NEK6: variants seen among roughly 807,000 people sequenced by gnomAD.
NEK6 encodes NIMA related kinase 6.
NEK6 carries 27 observed loss-of-function variants against 43.5 expected under a neutral mutation model. That is an observed-to-expected ratio of 0.62 (90% CI 0.46 to 0.86). The LOEUF is 0.86. Among genes scored for constraint, NEK6 ranks in the 40% least tolerant of loss-of-function variants. NEK6 has a pLI of 0.00. For synonymous variants in NEK6, 167 were observed against 164.1 expected, an observed-to-expected ratio of 1.02 and a Z score of -0.14; for missense variants, 318 against 414.4, an observed-to-expected ratio of 0.77 and a Z score of 2.02.
intron 1 of NEK6, among the ~76,000 whole-genome samples, chr9:124,279,381 A>G (rs147934422): frequency 0.024 from 3,548 of 148,224 alleles, 62 homozygotes; most frequent in Non-Finnish European, 0.032. Context: ...GGCTCACTGC[A>G]ACCTCTGCTC....
intron 3 of NEK6, among the ~76,000 whole-genome samples, chr9:124,312,965 G>A (rs193055626): frequency 6.7e-4 from 102 of 152,236 alleles, no homozygotes; most frequent in African/African-American, 2.2e-3. Flanking sequence ...TCTCATAACC[G>A]CCAGGGCCCC....
At chr9:124,289,137 C>T (rs557735078) in intron 1 of NEK6, among the ~76,000 whole-genome samples, 1 of 149,694 alleles carries the variant, frequency 6.7e-6, no homozygotes, top group Admixed American at 6.7e-5. Context: ...TGAGCCACCA[C>T]GCCTGACCTA....
chr9:124,264,821 A>C (rs1831163509), intron 1 of NEK6, among the ~76,000 whole-genome samples: 2 of 70,094 alleles, frequency 2.9e-5, no homozygotes, highest in African/African-American at 1.1e-4. Context: ...TATCAAAAAA[A>C]AAAAAAAAAA....
chr9:124,344,321 C>T (rs1829804562), intron 8 of NEK6, among the ~76,000 whole-genome samples: 1 of 152,222 alleles, frequency 6.6e-6, no homozygotes, highest in Non-Finnish European at 1.5e-5. Flanking sequence ...GTCTTTGGGG[C>T]CCACCATTGA....
At position 124,344,897 on chromosome 9, in the gene NEK6, T is replaced by C. The variant is rs73666865; in HGVS notation, c.718-2812T>C. On this transcript the variant is annotated intron_variant, in intron 8 of 9. Transcript: ENST00000320246. ...GACGGCAGAGAGGCCTGGACGCCCC[T>C]CCGTGGTGGAGGAGCAGGGCTGCAG... Among the ~76,000 whole-genome samples, 1,366 of 152,268 alleles carry C rather than the reference T, an allele frequency of 9.0e-3. 28 individuals carry two copies. Among genetic ancestry groups the C allele is most frequent in the African/African-American group, 0.031 (1,268 of 41,558 alleles).
At position 124,351,526 on chromosome 9, in the gene NEK6, C is replaced by G. The variant is rs1830273337; in HGVS notation, c.*579C>G. On this transcript the variant is annotated 3_prime_UTR_variant, in exon 10 of 10. Coordinates refer to ENST00000320246, the MANE Select transcript of NEK6 (RefSeq NM_014397.6). ...GTGAGTGACGATGAGAGCCCTGCAC[C>G]TGGCCAGAGTGTCACAGGCAAAAGG... 1 of 152,278 alleles carries G rather than the reference C, an allele frequency of 6.6e-6. No homozygotes were observed. Among genetic ancestry groups the G allele is most frequent in the African/African-American group, 2.4e-5 (1 of 41,426 alleles). The allele number at this position is 152,278 out of a possible 1,614,324, so 9.4% of individuals were successfully genotyped here.
chr9:124,350,771 C>A, intron 9 of NEK6, 66 bp from the exon 10 acceptor site: 1 of 1,111,734 alleles, frequency 9.0e-7, no homozygotes, highest in Non-Finnish European at 1.4e-6. Context: ...TGCAGACAGA[C>A]TGTGGAGTGC....
At position 124,292,483 on chromosome 9, in the gene NEK6, G is replaced by A. The variant is rs1177225249; in HGVS notation, c.-29-9453G>A. ...ATTAGGGGAGGCCACGGGCTTGAAA[G>A]CTTTCCCTGCATGGAGGCCACTGGA... is the stretch of plus-strand genomic sequence containing the variant. On this transcript the variant is annotated intron_variant, in intron 1 of 9. Transcript: ENST00000320246. 2.6e-6 allele frequency: 4 copies of A among 1,537,124 alleles called. No individual in the cohort carries two copies. The East Asian group carries it at 9.8e-5, about 38-fold the overall frequency.
In NEK6 at chr9:124,324,913, G is replaced by A. The variant is rs149981780; in HGVS notation, c.406-1417G>A. On this transcript the variant is annotated intron_variant, in intron 5 of 9. Coordinates refer to ENST00000320246, the MANE Select transcript of NEK6 (RefSeq NM_014397.6). The surrounding 1 kb of genome is among the most constrained non-coding windows in gnomAD (Gnocchi z 5.3). ...AAGGGGGCCAGGCGTGGTGGCTCAC[G>A]CCTGTAATCCCAGCACTTTGGGAGG... Among the ~76,000 whole-genome samples the A allele has an allele frequency of 0.091, 13,818 of 152,082 alleles. 1,144 individuals carry two copies. The highest frequency in any genetic ancestry group is 0.45 in the East Asian group (2,341 of 5,154).
intron 1 of NEK6, among the ~76,000 whole-genome samples, chr9:124,274,594 C>T (rs927412646): frequency 1.3e-5 from 2 of 152,226 alleles, no homozygotes; most frequent in Non-Finnish European, 2.9e-5. Flanking sequence ...AGTCCGGGTA[C>T]CTGTCAGCAG....
At position 124,344,705 on chromosome 9, in the gene NEK6, G is replaced by A. The variant is rs555069530; in HGVS notation, c.718-3004G>A. ...TATGTGGGAGCTCAGCTGCAATTAC[G>A]GAGCTAGAGGAATTGGCTCATTCAG... On this transcript the variant is annotated intron_variant, in intron 8 of 9. Transcript: ENST00000320246. 4.0e-3 allele frequency among the ~76,000 whole-genome samples: 604 copies of A among 152,350 alleles called. 1 individual carries two copies. Among genetic ancestry groups the A allele is most frequent in the African/African-American group, 0.014 (566 of 41,590 alleles).
At chr9:124,300,696 C>G (rs149064754) in intron 1 of NEK6, among the ~76,000 whole-genome samples, 3 of 152,144 alleles carry the variant, frequency 2.0e-5, no homozygotes, top group African/African-American at 4.8e-5. Flanking sequence ...CTGACCGCGC[C>G]GGGGGCTCTA....
rs768602746 is a variant in NEK6 at position 124,348,715 on chromosome 9, T to A, written c.831+893T>A. Among the ~76,000 whole-genome samples the A allele has an allele frequency of 2.0e-5, 3 of 152,372 alleles. No homozygotes were observed. In the South Asian group the frequency reaches 6.2e-4, roughly 32 times the overall value. On this transcript the variant is annotated intron_variant, in intron 9 of 9. Coordinates refer to ENST00000320246, the MANE Select transcript of NEK6 (RefSeq NM_014397.6). Reference sequence around the variant, plus strand: ...CTCAGTCAGTGTTCACTAAATATCATGTGACCCTTATTTCTGTTCAAGGTC... The same window carrying A: ...CTCAGTCAGTGTTCACTAAATATCAAGTGACCCTTATTTCTGTTCAAGGTC...
At chr9:124,317,433 G>C (rs759078312) in intron 4 of NEK6, among the ~76,000 whole-genome samples, 1 of 152,158 alleles carries the variant, frequency 6.6e-6, no homozygotes, top group Non-Finnish European at 1.5e-5. Context: ...GGCTGGTCTT[G>C]AACGCCTGAC....
rs144237836 is a variant in NEK6, at chr9:124,352,949, C to T, written c.*2002C>T. 2 of 152,582 alleles carry T rather than the reference C, an allele frequency of 1.3e-5. No individual in the cohort carries two copies. Among genetic ancestry groups the T allele is most frequent in the South Asian group, 2.1e-4 (1 of 4,828 alleles). The allele number at this position is 152,582 out of a possible 1,614,324, so 9.5% of individuals were successfully genotyped here. Reference sequence around the variant, plus strand: ...GGAGGCGCACGATCTCAGCCACTCACCAGGCCTGAGTGTTTGTGAAATGAT... The same window carrying T: ...GGAGGCGCACGATCTCAGCCACTCATCAGGCCTGAGTGTTTGTGAAATGAT... On this transcript the variant is annotated 3_prime_UTR_variant, in exon 10 of 10. Transcript: ENST00000320246.
intron 1 of NEK6, among the ~76,000 whole-genome samples, chr9:124,278,043 G>A (rs1831719314): frequency 6.6e-6 from 1 of 152,232 alleles, no homozygotes; most frequent in South Asian, 2.1e-4. Flanking sequence ...GACTGCGTAT[G>A]TGACGTTGGT....
chr9:124,312,175 G>A (rs926304894), intron 2 of NEK6, among the ~76,000 whole-genome samples: 14 of 152,250 alleles, frequency 9.2e-5, no homozygotes, highest in African/African-American at 3.1e-4. Flanking sequence ...GATGAGACGG[G>A]CAACGCCCGT....
At chr9:124,273,982 A>G (rs1261869444) in intron 1 of NEK6, among the ~76,000 whole-genome samples, 1 of 152,198 alleles carries the variant, frequency 6.6e-6, no homozygotes, top group Non-Finnish European at 1.5e-5. Flanking sequence ...CACTTTGGGC[A>G]CAGGGTACCA....
intron 1 of NEK6, among the ~76,000 whole-genome samples, chr9:124,274,972 A>G: frequency 6.6e-6 from 1 of 152,188 alleles, no homozygotes; most frequent in East Asian, 1.9e-4. Flanking sequence ...GATGGATGTG[A>G]AAAGGACCGA....
Sources: gnomAD v4.1 joint callset for allele counts (sites outside exome capture counted in the v4.1 genomes callset) on GRCh38, gnomAD v4.1.1 for gene constraint, Gnocchi (gnomAD v3.1) non-coding constraint, MANE v1.5 for transcripts, NCBI Gene and HGNC (gene_info 2026-07-23, HGNC 2026-07-21) for gene names.